The following MCMBP variants were observed in gnomAD, a reference collection of about 807,000 sequenced individuals.
MCMBP encodes the protein minichromosome maintenance complex binding protein.
Under a neutral mutation model 81.3 loss-of-function variants are expected in MCMBP, and 31 were observed. The ratio of observed to expected loss-of-function variants is 0.38; its 90% CI spans 0.29 to 0.51. MCMBP has a LOEUF of 0.51. Ranked by LOEUF, MCMBP falls within the 20% of genes least tolerant of loss-of-function variation. The probability of loss-of-function intolerance (pLI) is 0.87; values close to 1 mark genes in which losing one functional copy is unlikely to be tolerated. For missense variants in MCMBP, 645 were observed against 772.1 expected, an observed-to-expected ratio of 0.84 and a Z score of 1.95; for synonymous variants, 267 against 275.9, an observed-to-expected ratio of 0.97 and a Z score of 0.32.
chr10:119,870,823 G>A (rs1363533789), intron 1 of MCMBP, among the ~76,000 whole-genome samples: 2 of 152,088 alleles, frequency 1.3e-5, no homozygotes, highest in African/African-American at 4.8e-5. Context: ...AAGACACAAC[G>A]TACACGGGAA....
At chr10:119,866,791 C>T (rs1853472484) in intron 1 of MCMBP, among the ~76,000 whole-genome samples, 1 of 151,866 alleles carries the variant, frequency 6.6e-6, no homozygotes. Context: ...AGTGAAACAC[C>T]ATCTCTACGA....
intron 5 of MCMBP, 42 bp from the exon 6 acceptor site, chr10:119,853,236 A>C: frequency 6.3e-7 from 1 of 1,575,036 alleles, no homozygotes; most frequent in Non-Finnish European, 8.6e-7. Context: ...AAACTGAGGA[A>C]TATCCTAAAG....
At chr10:119,836,167 A>G (rs1207535670) in intron 13 of MCMBP, among the ~76,000 whole-genome samples, 3 of 152,232 alleles carry the variant, frequency 2.0e-5, no homozygotes, top group Non-Finnish European at 4.4e-5. Context: ...TACATGCTTT[A>G]TAACTACCTC....
At chr10:119,855,997 G>A (rs1387145042) in intron 5 of MCMBP, among the ~76,000 whole-genome samples, 1 of 152,140 alleles carries the variant, frequency 6.6e-6, no homozygotes, top group African/African-American at 2.4e-5. Flanking sequence ...GGCCGAGGCA[G>A]GCAGATCACG....
In MCMBP at chr10:119,835,630, T is replaced by G; in HGVS notation, c.1617A>C (p.Ser539=). The G allele has an allele frequency of 6.2e-7, 1 of 1,614,238 alleles. No individual in the cohort carries two copies. Among genetic ancestry groups the G allele is most frequent in the South Asian group, 1.1e-5 (1 of 91,082 alleles). Residue 539 remains serine (S), a synonymous_variant, in exon 14 of 16, where the codon TCA becomes TCC. Transcript: ENST00000369077. ...NMEEYMNSLL[S]AVLPSVLNKF... ...TGTTCAGCACGGAAGGCAGCACCGCTGAGAGAAGGCTGTTCATGTACTCCT... is the reference window on the plus strand; with the variant it reads ...TGTTCAGCACGGAAGGCAGCACCGCGGAGAGAAGGCTGTTCATGTACTCCT...
chr10:119,863,517 T>C (rs1490951828), intron 1 of MCMBP, among the ~76,000 whole-genome samples: 1 of 151,386 alleles, frequency 6.6e-6, no homozygotes, highest in East Asian at 1.9e-4. Context: ...GGATCACCTG[T>C]CAGGAGTTCA....
intron 8 of MCMBP, 97 bp downstream of exon 8, chr10:119,847,515 AG>A: frequency 1.7e-6 from 1 of 603,348 alleles, no homozygotes; most frequent in East Asian, 3.0e-5. Flanking sequence ...TCTGGGAGAA[AG>A]GGAAAAGGGA....
At chr10:119,835,812 A>G (rs1289283639) in intron 13 of MCMBP, 108 bp from the exon 14 acceptor site, 1 of 1,162,484 alleles carries the variant, frequency 8.6e-7, no homozygotes, top group East Asian at 2.5e-5. Flanking sequence ...AGAAAATACC[A>G]CTTATTATTT....
At position 119,843,245 on chromosome 10, in the gene MCMBP, T is replaced by C. The variant is rs761364441; in HGVS notation, c.1000+9A>G. 2.5e-6 allele frequency: 4 copies of C among 1,613,180 alleles called. No individual in the cohort carries two copies. The highest frequency in any genetic ancestry group is 3.4e-6 in the Non-Finnish European group (4 of 1,179,388). ...CGATAGTTGACTAGGCTGTAACACT[T>C]ACACTTACAGGTTTTGCTCTCCTCT... On this transcript the variant is annotated intron_variant, in intron 9 of 15. Coordinates refer to ENST00000369077, the MANE Select transcript of MCMBP (RefSeq NM_001256378.2).
At chr10:119,840,029 C>T (rs565621813) in intron 11 of MCMBP, among the ~76,000 whole-genome samples, 5 of 152,154 alleles carry the variant, frequency 3.3e-5, no homozygotes, top group South Asian at 2.1e-4. Context: ...TCATTTTTGG[C>T]TTGGGAAAAG....
chr10:119,840,794 A>G (rs1852404528), intron 11 of MCMBP, 49 bp downstream of exon 11: 2 of 1,094,934 alleles, frequency 1.8e-6, no homozygotes, highest in Non-Finnish European at 2.6e-6. Flanking sequence ...AGTTAGATGG[A>G]TTTTTTAAGT....
At chr10:119,832,154 T>C in intron 14 of MCMBP, 54 bp from the exon 15 acceptor site, 1 of 1,517,024 alleles carries the variant, frequency 6.6e-7, no homozygotes, top group Non-Finnish European at 9.0e-7. Context: ...GAAAAGAAAA[T>C]TAACATGGTT....
At chr10:119,847,215 G>A (rs1852647809) in intron 8 of MCMBP, among the ~76,000 whole-genome samples, 1 of 152,118 alleles carries the variant, frequency 6.6e-6, no homozygotes, top group African/African-American at 2.4e-5. Flanking sequence ...CCTGGACTGG[G>A]GGATGCAGAA....
intron 6 of MCMBP, among the ~76,000 whole-genome samples, chr10:119,852,547 G>A (rs1352648667): frequency 6.6e-6 from 1 of 152,132 alleles, no homozygotes; most frequent in Non-Finnish European, 1.5e-5. Flanking sequence ...GTGGTGGCAT[G>A]CGCCTATAGC....
At chr10:119,862,853 G>C (rs578016356) in intron 1 of MCMBP, among the ~76,000 whole-genome samples, 1 of 152,290 alleles carries the variant, frequency 6.6e-6, no homozygotes, top group South Asian at 2.1e-4. Context: ...AATTTTAGCT[G>C]TTCTAATATG....
chr10:119,840,242 G>C (rs556835393), intron 11 of MCMBP, among the ~76,000 whole-genome samples: 1 of 152,250 alleles, frequency 6.6e-6, no homozygotes, highest in South Asian at 2.1e-4. Flanking sequence ...TGCTTCTTGA[G>C]GGCCTGGACG....
At chr10:119,852,613 G>A (rs1222969411) in intron 6 of MCMBP, among the ~76,000 whole-genome samples, 1 of 152,216 alleles carries the variant, frequency 6.6e-6, no homozygotes, top group African/African-American at 2.4e-5. Flanking sequence ...AGGAGGTCAA[G>A]GCTACAATAA....
At chr10:119,867,127 T>C (rs1374131771) in intron 1 of MCMBP, among the ~76,000 whole-genome samples, 1 of 151,462 alleles carries the variant, frequency 6.6e-6, no homozygotes, top group South Asian at 2.1e-4. Flanking sequence ...GCCCCGACTC[T>C]ACTAAAAATG....
At chr10:119,858,770 A>G (rs936702962) in intron 4 of MCMBP, 114 bp downstream of exon 4, 1 of 828,678 alleles carries the variant, frequency 1.2e-6, no homozygotes, top group Non-Finnish European at 1.9e-6. Flanking sequence ...AACATTTCAC[A>G]TGATTTCTTG....
Sources: gnomAD v4.1 joint callset for allele counts (sites outside exome capture counted in the v4.1 genomes callset) on GRCh38, gnomAD v4.1.1 for gene constraint, MANE v1.5 for transcripts, NCBI Gene and HGNC (gene_info 2026-07-23, HGNC 2026-07-21) for gene names.